The following ABCA9 variants were observed in gnomAD, a reference collection of about 807,000 sequenced individuals.
ABCA9 encodes ATP-binding cassette sub-family A member 9.
ABCA9 carries 183 observed loss-of-function variants against 205.3 expected under a neutral mutation model. The observed-to-expected ratio is 0.89, with a 90% CI of 0.79 to 1.01. The LOEUF (loss-of-function observed/expected upper bound fraction) is 1.01, where lower values mean the gene tolerates loss of function less well. Ranked by LOEUF, ABCA9 falls within the 50% of genes least tolerant of loss-of-function variation. ABCA9 has a pLI of 0.00. For missense variants in ABCA9, 1,805 were observed against 1,912.4 expected (o/e 0.94, Z 1.05); for synonymous variants, 651 against 683.3 (o/e 0.95, Z 0.74).
chr17:69,050,343 AACACACACAC>A (rs58213498), intron 2 of ABCA9, among the ~76,000 whole-genome samples: 142 of 147,798 alleles, frequency 9.6e-4, no homozygotes, highest in Admixed American at 2.0e-3. Context: ...CACACACACG[AACACACACAC>A]ACACACACAC....
chr17:69,053,343 A>T (rs546124294), intron 1 of ABCA9, among the ~76,000 whole-genome samples: 5 of 152,276 alleles, frequency 3.3e-5, no homozygotes, highest in African/African-American at 1.2e-4. Flanking sequence ...AGGAACAGGG[A>T]CCAAATATTA....
At chr17:69,027,616 G>T in intron 13 of ABCA9, 24 bp downstream of exon 13, 2 of 1,603,154 alleles carry the variant, frequency 1.2e-6, no homozygotes, top group Admixed American at 1.7e-5. Flanking sequence ...TTATGGCTAT[G>T]TGACATCTAA....
chr17:68,987,060 C>T (rs1232852130), intron 31 of ABCA9, among the ~76,000 whole-genome samples: 1 of 152,194 alleles, frequency 6.6e-6, no homozygotes, highest in Non-Finnish European at 1.5e-5. Context: ...CTCAGTGCTT[C>T]CTATGTGCCA....
chr17:69,041,216 C>T (rs2071522259), intron 6 of ABCA9, among the ~76,000 whole-genome samples: 1 of 152,096 alleles, frequency 6.6e-6, no homozygotes, highest in Non-Finnish European at 1.5e-5. Flanking sequence ...TTGCACAGTA[C>T]ACTTTCATTC....
the ABCA9 span, among the ~76,000 whole-genome samples, chr17:69,073,334 C>T: frequency 6.6e-6 from 1 of 152,058 alleles, no homozygotes; most frequent in African/African-American, 2.4e-5. Context: ...ACTCTAAAAT[C>T]GACCACATAG....
At chr17:69,012,801 C>CTGT (rs1269049874) in intron 22 of ABCA9, among the ~76,000 whole-genome samples, 1 of 152,090 alleles carries the variant, frequency 6.6e-6, no homozygotes, top group Non-Finnish European at 1.5e-5. Context: ...TAGAGTCACC[C>CTGT]TGTTGTGCTA....
the ABCA9 span, among the ~76,000 whole-genome samples, chr17:69,074,926 T>G: frequency 6.6e-6 from 1 of 152,226 alleles, no homozygotes; most frequent in Non-Finnish European, 1.5e-5. Context: ...TTTTAATTTC[T>G]TAATAATAAC....
chr17:68,985,707 C>A (rs2069209505), intron 32 of ABCA9, among the ~76,000 whole-genome samples: 2 of 152,150 alleles, frequency 1.3e-5, no homozygotes, highest in South Asian at 2.1e-4. Flanking sequence ...CACCTGTAAT[C>A]CCAGCATTTT....
intron 25 of ABCA9, among the ~76,000 whole-genome samples, chr17:69,007,226 C>A (rs1407948302): frequency 2.0e-5 from 3 of 152,022 alleles, no homozygotes; most frequent in Non-Finnish European, 4.4e-5. Flanking sequence ...TATGGTGAAA[C>A]CCCGTCTCTA....
intron 28 of ABCA9, among the ~76,000 whole-genome samples, chr17:68,991,705 C>A (rs16973499): frequency 0.056 from 8,463 of 152,176 alleles, 567 homozygotes; most frequent in African/African-American, 0.16. Context: ...ATGTAATTTG[C>A]AAAACCTTTC....
chr17:69,005,171 T>C (rs141829881), intron 25 of ABCA9, among the ~76,000 whole-genome samples: 41 of 152,232 alleles, frequency 2.7e-4, no homozygotes, highest in African/African-American at 9.9e-4. Flanking sequence ...TTTCTCTGAG[T>C]AATATTTTGA....
rs2070615463 is a variant in ABCA9 at position 69,016,399 on chromosome 17, C to A, written c.2902-9G>T. On this transcript the variant is annotated splice_polypyrimidine_tract_variant and intron_variant, in intron 21 of 38. Coordinates refer to ENST00000340001, the MANE Select transcript of ABCA9 (RefSeq NM_080283.4). ...ATTGAAAATCTGTGATCCTGAAATACAACAAGTACCAATTCGAAGTCTTCA... is the reference window on the plus strand; with the variant it reads ...ATTGAAAATCTGTGATCCTGAAATAAAACAAGTACCAATTCGAAGTCTTCA... The A allele has an allele frequency of 1.9e-6, 3 of 1,564,286 alleles. No individual in the cohort carries two copies. Among genetic ancestry groups the A allele is most frequent in the African/African-American group, 2.8e-5 (2 of 71,622 alleles).
At chr17:69,008,333 CT>C in intron 23 of ABCA9, 98 bp from the exon 24 acceptor site, 5 of 1,159,198 alleles carry the variant, frequency 4.3e-6, no homozygotes, top group Non-Finnish European at 6.3e-6. Flanking sequence ...TTTGCTTCGC[CT>C]TTTAGAAATA....
rs1397304256 is a variant in ABCA9 at position 69,032,166 on chromosome 17, T to C, written c.1387A>G (p.Thr463Ala). The C allele has an allele frequency of 6.2e-7, 1 of 1,614,038 alleles. No individual in the cohort carries two copies. The change falls in exon 10 of 39, where the codon ACA (threonine) becomes GCA (alanine). Residue 463 changes from threonine to alanine, a missense_variant. Thr to Ala is a moderately conservative substitution (Grantham distance 58). Transcript: ENST00000340001. ...VLENETDSDP[T>A]PNDCFEPVSP... ...ACTGGTTCAAAACAGTCATTAGGTG[T>C]AGGATCAGAATCTGTTTCATTCTCA...
chr17:69,000,134 G>C (rs1418752767), intron 25 of ABCA9, among the ~76,000 whole-genome samples: 13 of 151,624 alleles, frequency 8.6e-5, no homozygotes, highest in Non-Finnish European at 1.5e-4. Context: ...AGTTTAATTA[G>C]ATCCCATTTG....
chr17:69,074,951 T>A, the ABCA9 span, among the ~76,000 whole-genome samples: 2 of 152,198 alleles, frequency 1.3e-5, no homozygotes, highest in Non-Finnish European at 2.9e-5. Context: ...CTGTCTGGTA[T>A]AATAAGGTAT....
intron 17 of ABCA9, 87 bp from the exon 18 acceptor site, chr17:69,021,948 C>A: frequency 9.0e-7 from 1 of 1,112,750 alleles, no homozygotes. Flanking sequence ...TGGTAATAGG[C>A]CAAATGTACT....
At chr17:69,016,143 CAA>C (rs2070601460) in intron 22 of ABCA9, 108 bp downstream of exon 22, 2 of 603,814 alleles carry the variant, frequency 3.3e-6, no homozygotes, top group Non-Finnish European at 5.1e-6. Context: ...CACACACACA[CAA>C]GTTTAAGAAT....
In ABCA9 at chr17:69,021,678, G is replaced by A. The variant is rs758512421; in HGVS notation, c.2401+64C>T. 1.0e-4 allele frequency: 108 copies of A among 1,048,336 alleles called. No homozygotes were observed. The Admixed American group carries it at 1.3e-3, about 13-fold the overall frequency. The allele number at this position is 1,048,336 out of a possible 1,614,324, so 64.9% of individuals were successfully genotyped here. A position where few individuals can be genotyped will look rare whatever the true frequency, so the allele number is the denominator to read the frequency against. On this transcript the variant is annotated intron_variant, in intron 18 of 38. Coordinates refer to ENST00000340001, the MANE Select transcript of ABCA9 (RefSeq NM_080283.4). ...CACACAAAGATAAAATCTTTCTTTC[G>A]TCCTTCCTTCCTTCCTTCCTTTCTT...
Sources: gnomAD v4.1 joint callset for allele counts (sites outside exome capture counted in the v4.1 genomes callset) on GRCh38, gnomAD v4.1.1 for gene constraint, MANE v1.5 for transcripts, NCBI Gene and HGNC (gene_info 2026-07-23, HGNC 2026-07-21) for gene names.